The following KCND3 variants were observed in gnomAD, a reference collection of about 807,000 sequenced individuals.
The protein encoded by KCND3 is A-type voltage-gated potassium channel KCND3.
In KCND3, 9 loss-of-function variants were observed where a neutral mutation model predicts 51.1. That is an observed-to-expected ratio of 0.18 (90% CI 0.11 to 0.31). KCND3 has a LOEUF of 0.31. KCND3 is among the 10% of genes least tolerant of loss of function. The pLI is 1.00. For synonymous variants in KCND3, 349 were observed against 368.0 expected (o/e 0.95, Z 0.59); for missense variants, 526 against 903.8 (o/e 0.58, Z 5.36).
chr1:111,971,351 A>G (rs1674320569), intron 2 of KCND3, among the ~76,000 whole-genome samples: 1 of 151,870 alleles, frequency 6.6e-6, no homozygotes, highest in Admixed American at 6.6e-5. Context: ...CCCTTGTTTT[A>G]CTCAGAAACC....
At chr1:111,819,643 G>C (rs1666258753) in intron 2 of KCND3, among the ~76,000 whole-genome samples, 1 of 152,166 alleles carries the variant, frequency 6.6e-6, no homozygotes, top group Admixed American at 6.5e-5. Flanking sequence ...GGTTGGGACA[G>C]AGGTTTGAGC....
intron 2 of KCND3, among the ~76,000 whole-genome samples, chr1:111,843,071 A>G (rs756596773): frequency 3.9e-5 from 6 of 152,304 alleles, no homozygotes; most frequent in South Asian, 4.1e-4. Flanking sequence ...GAGCTTCTGC[A>G]TTGCTTTCAT....
At chr1:111,789,214 G>A (rs778073397) in intron 2 of KCND3, among the ~76,000 whole-genome samples, 5 of 152,254 alleles carry the variant, frequency 3.3e-5, no homozygotes, top group Non-Finnish European at 5.9e-5. Context: ...TCATCCATAT[G>A]AAGAAAGAGG....
chr1:111,976,048 A>G (rs966285445), intron 2 of KCND3, among the ~76,000 whole-genome samples: 1 of 152,176 alleles, frequency 6.6e-6, no homozygotes. Context: ...ACCTGATAAA[A>G]TGTATTTATT....
In KCND3 at chr1:111,982,092, C is replaced by T. The variant is rs568631058; in HGVS notation, c.635G>A (p.Gly212Asp). ...CTCCCCGCACGGCAGCTCCTTGCTG[C>T]CCGGGACCGTGCCGCACGGCACCGT... ...VETVPCGTVP[G>D]SKELPCGERY... The change falls in exon 2 of 8, where the codon GGC becomes GAC. Residue 212 changes from glycine to aspartate, a missense_variant. Coordinates refer to ENST00000302127, the MANE Select transcript of KCND3 (RefSeq NM_001378969.1). This position sits in a 1 kb window ranked among gnomAD's most constrained non-coding sequence, Gnocchi z 8.5. The T allele has an allele frequency of 6.2e-7, 1 of 1,613,680 alleles. No homozygotes were observed. The highest frequency in any genetic ancestry group is 2.2e-5 in the East Asian group (1 of 44,768).
At chr1:111,904,869 C>T (rs1448952976) in intron 2 of KCND3, among the ~76,000 whole-genome samples, 2 of 152,180 alleles carry the variant, frequency 1.3e-5, no homozygotes, top group Non-Finnish European at 1.5e-5. Flanking sequence ...ACTCAGGATG[C>T]ACTTGGGCCA....
chr1:111,782,891 A>C (rs609801), intron 3 of KCND3, among the ~76,000 whole-genome samples: 21,952 of 152,142 alleles, frequency 0.14, 3,565 homozygotes, highest in African/African-American at 0.4. Context: ...CCATACCCAG[A>C]ATATGAAATT....
At chr1:111,973,089 G>C (rs1231309655) in intron 2 of KCND3, among the ~76,000 whole-genome samples, 1 of 152,178 alleles carries the variant, frequency 6.6e-6, no homozygotes, top group Admixed American at 6.5e-5. Flanking sequence ...ATCAGTCTTT[G>C]ACATGCATTG....
In KCND3 at chr1:111,816,300, G is replaced by C. The variant is rs547770452; in HGVS notation, c.1107-29194C>G. On this transcript the variant is annotated intron_variant, in intron 2 of 7. Transcript: ENST00000302127. ...GAGCTGGAAATGTCAGACTTCAAAG[G>C]GTCACCCCAGACCTGGTAGGCTGTC... 2.4e-3 allele frequency among the ~76,000 whole-genome samples: 368 copies of C among 152,332 alleles called. 1 individual carries two copies. The highest frequency in any genetic ancestry group is 3.7e-3 in the Non-Finnish European group (251 of 68,022).
At chr1:111,803,775 C>T (rs1016595474) in intron 2 of KCND3, among the ~76,000 whole-genome samples, 20 of 151,878 alleles carry the variant, frequency 1.3e-4, no homozygotes, top group African/African-American at 4.3e-4. Context: ...CCACCCTCTC[C>T]GGTTTTGTAT....
chr1:111,934,517 C>A (rs940140061), intron 2 of KCND3, among the ~76,000 whole-genome samples: 1 of 152,210 alleles, frequency 6.6e-6, no homozygotes, highest in Non-Finnish European at 1.5e-5. Context: ...AATTAATCCA[C>A]GGGGAATTTG....
At chr1:111,778,086 G>A (rs1664208339) in intron 6 of KCND3, among the ~76,000 whole-genome samples, 1 of 152,224 alleles carries the variant, frequency 6.6e-6, no homozygotes, top group Admixed American at 6.5e-5. Flanking sequence ...ACAGAGTTCA[G>A]GGAAAGACCA....
chr1:111,805,809 C>A (rs937958742), intron 2 of KCND3, among the ~76,000 whole-genome samples: 16 of 152,164 alleles, frequency 1.1e-4, no homozygotes, highest in African/African-American at 3.6e-4. Context: ...AGGGCAGCAA[C>A]CTGCATGTGG....
chr1:111,906,150 C>T (rs1014734138), intron 2 of KCND3, among the ~76,000 whole-genome samples: 1 of 152,186 alleles, frequency 6.6e-6, no homozygotes, highest in Non-Finnish European at 1.5e-5. Context: ...ACTAATTTTC[C>T]TTTCCTAGAC....
chr1:111,834,539 C>G (rs1008021124), intron 2 of KCND3, among the ~76,000 whole-genome samples: 2 of 152,180 alleles, frequency 1.3e-5, no homozygotes, highest in African/African-American at 4.8e-5. Context: ...GTTTAGAGAT[C>G]TTCTAATTCA....
At position 111,940,424 on chromosome 1, in the gene KCND3, C is replaced by T. The variant is rs148160695; in HGVS notation, c.1106+41197G>A. Among the ~76,000 whole-genome samples, 1,061 of 152,048 alleles carry T rather than the reference C, an allele frequency of 7.0e-3. 15 individuals carry two copies. Among genetic ancestry groups the T allele is most frequent in the African/African-American group, 0.024 (994 of 41,448 alleles). ...TTGTATAAGGTGTAAGGAAGGGGTC[C>T]GGTTTCAGTTTTCTGCATATGGCTA... On this transcript the variant is annotated intron_variant, in intron 2 of 7. Coordinates refer to ENST00000302127, the MANE Select transcript of KCND3 (RefSeq NM_001378969.1).
rs754759010 is a variant in KCND3, at chr1:111,776,121, T to A, written c.1924A>T (p.Ile642Phe). The change falls in exon 8 of 8, where the codon ATT (isoleucine) becomes TTT (phenylalanine). Residue 642 changes from isoleucine to phenylalanine, a missense_variant. This residue lies in a region of KCND3 where 266 missense variants were observed against 305.5 expected (regional missense o/e 0.87). Transcript: ENST00000302127. ...ACAACATTGCTGGCTATGGAAGGAA[T>A]GTTCGTGTTGGGGCCTGGGCTGGCA... ...PPASPGPNTNIPSIASNVVKV... is the reference protein window; with the variant it reads ...PPASPGPNTNFPSIASNVVKV... The A allele has an allele frequency of 9.9e-6, 16 of 1,614,146 alleles. No homozygotes were observed. The South Asian group carries it at 1.5e-4, about 16-fold the overall frequency.
Position 111,780,124 on chromosome 1 carries a change from G to T in KCND3, c.1461+101C>A. On this transcript the variant is annotated intron_variant, in intron 5 of 7. Transcript: ENST00000302127. The surrounding 1 kb of genome is among the most constrained non-coding windows in gnomAD (Gnocchi z 4.2). ...ATCACTACCTTTTGGATCTGAAGGGGACAGACTTTGACTTCTGGCCCAGAG... is the reference window on the plus strand; with the variant it reads ...ATCACTACCTTTTGGATCTGAAGGGTACAGACTTTGACTTCTGGCCCAGAG... 1 of 1,237,700 alleles carries T rather than the reference G, an allele frequency of 8.1e-7. No individual in the cohort carries two copies. Among genetic ancestry groups the T allele is most frequent in the Non-Finnish European group, 1.2e-6 (1 of 862,994 alleles). The allele number at this position is 1,237,700 out of a possible 1,614,324, so 76.7% of individuals were successfully genotyped here.
intron 2 of KCND3, among the ~76,000 whole-genome samples, chr1:111,927,484 T>A (rs1671760658): frequency 6.6e-6 from 1 of 152,228 alleles, no homozygotes; most frequent in Non-Finnish European, 1.5e-5. Flanking sequence ...ACAGCCCATG[T>A]CCTCCTGTGT....
Sources: allele counts gnomAD v4.1 joint callset (sites outside exome capture counted in the v4.1 genomes callset), GRCh38; gene constraint gnomAD v4.1.1; regional missense constraint gnomAD v4.1.1; non-coding constraint Gnocchi (gnomAD v3.1); transcripts MANE v1.5; gene names NCBI Gene and HGNC (gene_info 2026-07-23, HGNC 2026-07-21).